The following EYS variants were observed in gnomAD, a reference collection of about 807,000 sequenced individuals.
The protein encoded by EYS is EGF-like photoreceptor maintenance factor, also known as protein eyes shut homolog.
In EYS, 250 loss-of-function variants were observed where a neutral mutation model predicts 282.1. That is an observed-to-expected ratio of 0.89 (90% confidence interval 0.80 to 0.98). The LOEUF (loss-of-function observed/expected upper bound fraction) is 0.98, where lower values mean the gene tolerates loss of function less well. Ranked by LOEUF, EYS falls within the 50% of genes least tolerant of loss-of-function variation. The pLI, the probability that EYS is intolerant of heterozygous loss-of-function variation, is 0.00. For synonymous variants in EYS, 1,355 were observed against 1,282.9 expected (o/e 1.06, Z -1.20); for missense variants, 4,016 against 3,709.0 (o/e 1.08, Z -2.15).
chr6:64,398,065 C>T (rs1773432129), intron 28 of EYS, among the ~76,000 whole-genome samples: 1 of 151,626 alleles, frequency 6.6e-6, no homozygotes, highest in African/African-American at 2.4e-5. Flanking sequence ...TGAGATTGTC[C>T]AGAAAATATT....
At chr6:65,404,496 A>G (rs559905627) in intron 6 of EYS, among the ~76,000 whole-genome samples, 5 of 152,144 alleles carry the variant, frequency 3.3e-5, no homozygotes, top group South Asian at 4.1e-4. Flanking sequence ...AGAAGCATGT[A>G]TTATTGCTCT....
At chr6:64,285,364 C>T (rs1479932295) in intron 30 of EYS, among the ~76,000 whole-genome samples, 1 of 152,224 alleles carries the variant, frequency 6.6e-6, no homozygotes, top group Non-Finnish European at 1.5e-5. Flanking sequence ...GGGCAAAATG[C>T]CGCCAGTCTC....
chr6:63,741,060 T>C (rs1769062729), intron 41 of EYS, among the ~76,000 whole-genome samples: 1 of 152,216 alleles, frequency 6.6e-6, no homozygotes, highest in Admixed American at 6.5e-5. Flanking sequence ...ACTGCTCTTC[T>C]TGGATAACTG....
At chr6:63,788,954 G>C (rs952273725) in intron 38 of EYS, 104 bp downstream of exon 38, 6 of 1,156,336 alleles carry the variant, frequency 5.2e-6, no homozygotes, top group Non-Finnish European at 7.3e-6. Context: ...TGTGAACTTC[G>C]TGGATGTAGG....
chr6:64,506,386 T>A (rs16895368), intron 26 of EYS, among the ~76,000 whole-genome samples: 2,237 of 152,288 alleles, frequency 0.015, 44 homozygotes, highest in African/African-American at 0.043. Flanking sequence ...CTAAATGTGA[T>A]AGCTTAATGA....
chr6:65,388,355 T>C lies in EYS; in HGVS notation c.1185-3855A>G, dbSNP rs182298418. On this transcript the variant is annotated intron_variant, in intron 7 of 42. Transcript: ENST00000503581. ...AGAGAAAATTATAAATACATGAGTA[T>C]AGTGACAGATAGGGAGAGGTGCTAT... is the stretch of plus-strand genomic sequence containing the variant. 7.9e-5 allele frequency among the ~76,000 whole-genome samples: 12 copies of C among 152,036 alleles called. No homozygotes were observed. In the South Asian group the frequency reaches 1.9e-3, roughly 24 times the overall value.
intron 31 of EYS, among the ~76,000 whole-genome samples, chr6:64,146,862 C>A (rs1042055706): frequency 1.3e-5 from 2 of 152,060 alleles, no homozygotes; most frequent in Non-Finnish European, 2.9e-5. Context: ...CTAAGAGATG[C>A]AACATGGAAA....
chr6:64,544,466 G>A (rs1764786780), intron 26 of EYS, among the ~76,000 whole-genome samples: 1 of 152,274 alleles, frequency 6.6e-6, no homozygotes, highest in African/African-American at 2.4e-5. Context: ...AGAGAGAAAG[G>A]AAAATTGTGG....
chr6:64,935,263 C>T (rs900758583), intron 15 of EYS, among the ~76,000 whole-genome samples: 4 of 151,590 alleles, frequency 2.6e-5, no homozygotes, highest in African/African-American at 9.6e-5. Context: ...ATATAGAAAA[C>T]AAATGGCATA....
chr6:64,938,603 G>T (rs1768988205), intron 15 of EYS, among the ~76,000 whole-genome samples: 1 of 151,424 alleles, frequency 6.6e-6, no homozygotes, highest in South Asian at 2.1e-4. Flanking sequence ...CAACAATTAT[G>T]TTTTTTTGCT....
intron 12 of EYS, among the ~76,000 whole-genome samples, chr6:65,249,360 A>C (rs1005850391): frequency 6.6e-6 from 1 of 152,138 alleles, no homozygotes; most frequent in African/African-American, 2.4e-5. Context: ...TAAATAAGAC[A>C]TTCCAAAATT....
At chr6:64,132,020 C>T (rs1773995299) in intron 31 of EYS, among the ~76,000 whole-genome samples, 1 of 152,022 alleles carries the variant, frequency 6.6e-6, no homozygotes, top group South Asian at 2.1e-4. Context: ...TATTTATAGA[C>T]TAAAACTTTT....
At chr6:64,628,988 C>A (rs1329791490) in intron 22 of EYS, among the ~76,000 whole-genome samples, 2 of 152,060 alleles carry the variant, frequency 1.3e-5, no homozygotes, top group Non-Finnish European at 2.9e-5. Context: ...TAACTGAAGT[C>A]TATGTATTAT....
intron 16 of EYS, among the ~76,000 whole-genome samples, chr6:64,908,374 G>T (rs1767893498): frequency 6.6e-6 from 1 of 152,098 alleles, no homozygotes; most frequent in Non-Finnish European, 1.5e-5. Context: ...ATTTTACAGT[G>T]CTCCTTTAGT....
intron 22 of EYS, among the ~76,000 whole-genome samples, chr6:64,762,619 A>C (rs1323734593): frequency 6.6e-6 from 1 of 152,274 alleles, no homozygotes; most frequent in East Asian, 1.9e-4. Context: ...ACATATGCAG[A>C]TGGTTCCAAA....
chr6:64,756,403 C>A (rs1355660259), intron 22 of EYS, among the ~76,000 whole-genome samples: 2 of 152,022 alleles, frequency 1.3e-5, no homozygotes, highest in African/African-American at 4.8e-5. Flanking sequence ...GCATTAGATG[C>A]ACATAGAATA....
chr6:63,831,013 T>C (rs1312548652), intron 36 of EYS, among the ~76,000 whole-genome samples: 1 of 152,134 alleles, frequency 6.6e-6, no homozygotes, highest in Non-Finnish European at 1.5e-5. Flanking sequence ...GACAAACAAA[T>C]GCTGAGAGAT....
intron 19 of EYS, among the ~76,000 whole-genome samples, chr6:64,880,890 C>G (rs918823812): frequency 6.6e-6 from 1 of 150,396 alleles, no homozygotes; most frequent in African/African-American, 2.4e-5. Flanking sequence ...ATTATACTGG[C>G]CTTATTTTAT....
At chr6:64,233,605 G>C (rs1766495799) in intron 30 of EYS, among the ~76,000 whole-genome samples, 1 of 152,158 alleles carries the variant, frequency 6.6e-6, no homozygotes, top group South Asian at 2.1e-4. Context: ...AAATGTATGA[G>C]AGTTTAGAAA....
Sources: gnomAD v4.1 joint callset for allele counts (sites outside exome capture counted in the v4.1 genomes callset) on GRCh38, gnomAD v4.1.1 for gene constraint, MANE v1.5 for transcripts, NCBI Gene and HGNC (gene_info 2026-07-23, HGNC 2026-07-21) for gene names.